KCNQ3: variants seen among roughly 807,000 people sequenced by gnomAD.
The protein encoded by KCNQ3 is potassium voltage-gated channel subfamily KQT member 3.
In KCNQ3, 30 loss-of-function variants were observed where a neutral mutation model predicts 92.5. The ratio of observed to expected loss-of-function variants is 0.32; its 90% CI spans 0.24 to 0.44. KCNQ3 has a LOEUF of 0.44. Ranked by LOEUF, KCNQ3 falls within the 20% of genes least tolerant of loss-of-function variation. KCNQ3 has a pLI of 1.00. For synonymous variants in KCNQ3, 450 were observed against 468.8 expected (o/e 0.96, Z 0.52); for missense variants, 913 against 1,140.3 (o/e 0.80, Z 2.87).
intron 1 of KCNQ3, among the ~76,000 whole-genome samples, chr8:132,375,408 C>A (rs549823355): frequency 5.5e-4 from 84 of 152,308 alleles, no homozygotes; most frequent in Admixed American, 4.4e-3. Flanking sequence ...GAGCTCACAT[C>A]TCTGCTTCAG....
intron 1 of KCNQ3, among the ~76,000 whole-genome samples, chr8:132,423,328 T>C (rs1821022221): frequency 6.6e-6 from 1 of 152,222 alleles, no homozygotes; most frequent in Non-Finnish European, 1.5e-5. Context: ...CCCATTGAGT[T>C]GGGTCCACAT....
intron 8 of KCNQ3, among the ~76,000 whole-genome samples, chr8:132,167,464 GA>G (rs1426688943): frequency 6.6e-6 from 1 of 152,196 alleles, no homozygotes; most frequent in Non-Finnish European, 1.5e-5. Context: ...TGTATCTCAA[GA>G]AAGTTGTTAT....
chr8:132,480,482 G>A lies in KCNQ3; in HGVS notation c.51C>T (p.Asp17=). 3 of 1,213,212 alleles carry A rather than the reference G, an allele frequency of 2.5e-6. No homozygotes were observed. The highest frequency in any genetic ancestry group is 3.9e-5 in the South Asian group (1 of 25,470). The allele number at this position is 1,213,212 out of a possible 1,614,324, so 75.2% of individuals were successfully genotyped here. The change falls in exon 1 of 15, where the codon GAC becomes GAT. Residue 17 remains aspartate, a synonymous_variant. Transcript: ENST00000388996. ...RAAGAAGGGG[D]GGGGGGGAAN... is the part of the protein sequence containing the mutation. ...CCGCCCCGCCGCCTCCGCCGCCCCC[G>A]TCGCCGCCGCCGCCAGCCGCCCCCG...
chr8:132,339,691 C>CA (rs1818464184), intron 1 of KCNQ3, among the ~76,000 whole-genome samples: 1 of 152,102 alleles, frequency 6.6e-6, no homozygotes, highest in African/African-American at 2.4e-5. Flanking sequence ...ATATGACAAG[C>CA]AAACAGCCCC....
intron 1 of KCNQ3, among the ~76,000 whole-genome samples, chr8:132,360,263 G>C (rs944791015): frequency 1.3e-5 from 2 of 152,166 alleles, no homozygotes; most frequent in Admixed American, 1.3e-4. Flanking sequence ...CTTGAAGTCA[G>C]CCAAGCAACT....
rs148234247 is a variant in KCNQ3 at position 132,387,955 on chromosome 8, G to A, written c.386+92192C>T. 5.2e-3 allele frequency among the ~76,000 whole-genome samples: 779 copies of A among 151,104 alleles called. 5 individuals carry two copies. Among genetic ancestry groups the A allele is most frequent in the Middle Eastern group, 0.01 (3 of 290 alleles). On this transcript the variant is annotated intron_variant, in intron 1 of 14. Transcript: ENST00000388996. The stretch of plus-strand genomic sequence containing the variant: ...AGCAAGACCCTGTGAAGAAGAAGGA[G>A]AAGAAGAAGAAGAAGGAGGAGAAGA...
intron 1 of KCNQ3, among the ~76,000 whole-genome samples, chr8:132,413,199 C>T (rs1232988653): frequency 1.3e-5 from 2 of 152,248 alleles, no homozygotes; most frequent in Non-Finnish European, 2.9e-5. Context: ...CTACCCAACA[C>T]CTTCAGTGGC....
intron 9 of KCNQ3, among the ~76,000 whole-genome samples, chr8:132,154,973 T>C (rs1483301622): frequency 6.6e-6 from 1 of 152,156 alleles, no homozygotes; most frequent in Non-Finnish European, 1.5e-5. Context: ...AGGACCTTAA[T>C]TCTTTGTTCA....
At chr8:132,466,945 C>G (rs1383136883) in intron 1 of KCNQ3, among the ~76,000 whole-genome samples, 1 of 152,302 alleles carries the variant, frequency 6.6e-6, no homozygotes, top group Middle Eastern at 3.4e-3. Flanking sequence ...AAATAAACCA[C>G]GTGCCCTGAG....
intron 1 of KCNQ3, among the ~76,000 whole-genome samples, chr8:132,229,637 C>A (rs1259338437): frequency 6.6e-6 from 1 of 151,874 alleles, no homozygotes; most frequent in East Asian, 1.9e-4. Context: ...TTACCTGGGG[C>A]TAGAAATTTG....
chr8:132,462,952 A>G (rs1341680151), intron 1 of KCNQ3, among the ~76,000 whole-genome samples: 1 of 152,020 alleles, frequency 6.6e-6, no homozygotes, highest in Non-Finnish European at 1.5e-5. Context: ...ACACACACAC[A>G]CGTATACATA....
chr8:132,479,290 G>A (rs141976951), intron 1 of KCNQ3, among the ~76,000 whole-genome samples: 137 of 152,264 alleles, frequency 9.0e-4, no homozygotes, highest in African/African-American at 3.2e-3. Flanking sequence ...ATTCTTTCTA[G>A]GAGAACAGTG....
rs1279947661 is a variant in KCNQ3, at chr8:132,128,982, T to TAA, written c.*278_*279dup. ...CTCCCTGTACTGGTCCAATCGTGAT[T>TAA]AAAAGTAAGAACAGCAGATAAATGT... On this transcript the variant is annotated 3_prime_UTR_variant, in exon 15 of 15. Transcript: ENST00000388996. The TAA allele has an allele frequency of 2.1e-6, 1 of 486,308 alleles. No individual in the cohort carries two copies. The highest frequency in any genetic ancestry group is 3.7e-6 in the Non-Finnish European group (1 of 268,034). 30.1% of individuals were successfully genotyped at this position (486,308 alleles called of 1,614,324 possible). A position where few individuals can be genotyped will look rare whatever the true frequency, so the allele number is the denominator to read the frequency against.
chr8:132,447,070 AG>A (rs1821697714), intron 1 of KCNQ3: 1 of 759,642 alleles, frequency 1.3e-6, no homozygotes, highest in East Asian at 2.7e-5. Flanking sequence ...CTGGGAACCC[AG>A]GGTGAGTCAC....
chr8:132,323,061 CA>C (rs1214194471), intron 1 of KCNQ3, among the ~76,000 whole-genome samples: 5 of 152,170 alleles, frequency 3.3e-5, no homozygotes, highest in Non-Finnish European at 7.3e-5. Flanking sequence ...CCCTGCCCAT[CA>C]CGGATCCGGG....
intron 1 of KCNQ3, among the ~76,000 whole-genome samples, chr8:132,445,911 A>G (rs1821664845): frequency 6.6e-6 from 1 of 152,056 alleles, no homozygotes; most frequent in Non-Finnish European, 1.5e-5. Flanking sequence ...CTACATCCCT[A>G]TCTGTCTGCC....
intron 13 of KCNQ3, among the ~76,000 whole-genome samples, chr8:132,133,741 G>T (rs1824964326): frequency 6.6e-6 from 1 of 152,092 alleles, no homozygotes; most frequent in African/African-American, 2.4e-5. Context: ...AAGACATTTG[G>T]GAATAAAGAG....
At chr8:132,230,693 C>G (rs1814618004) in intron 1 of KCNQ3, among the ~76,000 whole-genome samples, 1 of 152,164 alleles carries the variant, frequency 6.6e-6, no homozygotes, top group African/African-American at 2.4e-5. Context: ...GGAAAGAAAG[C>G]ACTACATTTC....
rs528903599 is a variant in KCNQ3, at chr8:132,134,001, A to G, written c.1799+289T>C. Among the ~76,000 whole-genome samples, 21 of 152,348 alleles carry G rather than the reference A, an allele frequency of 1.4e-4. No homozygotes were observed. In the South Asian group the frequency reaches 4.1e-3, roughly 30 times the overall value. ...TTTTCTTCCTGTTTCAATAAAGCTC[A>G]TAAGTCTCCTCTTGTTTTGTAACAG... is the stretch of plus-strand genomic sequence containing the variant. On this transcript the variant is annotated intron_variant, in intron 13 of 14. Transcript: ENST00000388996.
Sources: allele counts gnomAD v4.1 joint callset (sites outside exome capture counted in the v4.1 genomes callset), GRCh38; gene constraint gnomAD v4.1.1; transcripts MANE v1.5; gene names NCBI Gene and HGNC (gene_info 2026-07-23, HGNC 2026-07-21).